PDE4B: variants seen among roughly 807,000 people sequenced by gnomAD.
The protein encoded by PDE4B is phosphodiesterase 4B.
Under a neutral mutation model 82.2 loss-of-function variants are expected in PDE4B, and 20 were observed. The observed-to-expected ratio is 0.24, with a 90% confidence interval of 0.17 to 0.35. The LOEUF (loss-of-function observed/expected upper bound fraction) is 0.35, where lower values mean the gene tolerates loss of function less well. PDE4B is among the 10% of genes least tolerant of loss of function. PDE4B has a pLI of 1.00. For synonymous variants in PDE4B, 320 were observed against 318.9 expected (o/e 1.00, Z -0.04); for missense variants, 655 against 907.2 (o/e 0.72, Z 3.57).
intron 3 of PDE4B, among the ~76,000 whole-genome samples, chr1:66,079,794 G>A (rs906325682): frequency 2.6e-5 from 4 of 152,062 alleles, no homozygotes; most frequent in African/African-American, 9.7e-5. Context: ...TTAAAATGAA[G>A]TATGTGAGAA....
intron 1 of PDE4B, among the ~76,000 whole-genome samples, chr1:65,853,731 T>A (rs1011686703): frequency 6.6e-6 from 1 of 152,058 alleles, no homozygotes; most frequent in Non-Finnish European, 1.5e-5. Flanking sequence ...GGTTTTACCA[T>A]GTTGGCCAGA....
At chr1:66,079,716 A>G (rs1213184189) in intron 3 of PDE4B, among the ~76,000 whole-genome samples, 2 of 152,146 alleles carry the variant, frequency 1.3e-5, no homozygotes, top group African/African-American at 2.4e-5. Flanking sequence ...GTCAAGGAGG[A>G]AAAAATATTT....
chr1:66,370,655 G>A (rs1050161387), intron 16 of PDE4B, among the ~76,000 whole-genome samples: 8 of 152,228 alleles, frequency 5.3e-5, no homozygotes, highest in South Asian at 4.1e-4. Flanking sequence ...CAGCTCTCTC[G>A]TCCTGTGATC....
At chr1:65,890,483 A>G (rs936195418) in intron 1 of PDE4B, among the ~76,000 whole-genome samples, 7 of 152,132 alleles carry the variant, frequency 4.6e-5, no homozygotes, top group African/African-American at 1.7e-4. Context: ...TTGAATATCC[A>G]GATGAATTTA....
intron 3 of PDE4B, among the ~76,000 whole-genome samples, chr1:66,127,560 T>C (rs888773726): frequency 6.6e-6 from 1 of 152,132 alleles, no homozygotes; most frequent in African/African-American, 2.4e-5. Context: ...TAGTCTTAAC[T>C]AATATCAGAA....
chr1:66,372,681 C>T lies in PDE4B; in HGVS notation c.*3C>T, dbSNP rs749465356. On this transcript the variant is annotated 3_prime_UTR_variant, in exon 17 of 17. Transcript: ENST00000341517. ...ACAAGTCCCCCGTGGATACATAATCCCCCTCTCCCTGTGGAGATGAACATT... is the reference window on the plus strand; with the variant it reads ...ACAAGTCCCCCGTGGATACATAATCTCCCTCTCCCTGTGGAGATGAACATT... The T allele has an allele frequency of 3.1e-6, 5 of 1,607,206 alleles. No homozygotes were observed. Among genetic ancestry groups the T allele is most frequent in the East Asian group, 4.5e-5 (2 of 44,854 alleles).
In PDE4B at chr1:66,250,828, A is replaced by G. The variant is rs558569341; in HGVS notation, c.476+3174A>G. Among the ~76,000 whole-genome samples the G allele has an allele frequency of 7.2e-5, 11 of 152,224 alleles. 1 individual carries two copies. Among genetic ancestry groups the G allele is most frequent in the Admixed American group, 7.2e-4 (11 of 15,278 alleles). ...GTTTTGATTATCCACCTGCAAAGCC[A>G]CAGGAAAGGAAACTCCATGTTTTTT... On this transcript the variant is annotated intron_variant, in intron 4 of 16. Transcript: ENST00000341517.
intron 1 of PDE4B, among the ~76,000 whole-genome samples, chr1:65,867,041 A>T (rs753454530): frequency 2.0e-5 from 3 of 152,238 alleles, no homozygotes; most frequent in Non-Finnish European, 4.4e-5. Context: ...GTAAAATAAT[A>T]TGGTGCCTTG....
At chr1:66,269,376 A>C (rs920179294) in intron 7 of PDE4B, among the ~76,000 whole-genome samples, 1 of 152,216 alleles carries the variant, frequency 6.6e-6, no homozygotes, top group South Asian at 2.1e-4. Context: ...AGAAAGACGC[A>C]GTAAATCCTC....
At chr1:65,920,889 T>C (rs1647224107) in intron 3 of PDE4B, among the ~76,000 whole-genome samples, 1 of 152,062 alleles carries the variant, frequency 6.6e-6, no homozygotes, top group Admixed American at 6.6e-5. Context: ...AGGATACTTT[T>C]TAAAGTATGA....
chr1:65,950,347 G>C (rs1288010292), intron 3 of PDE4B, among the ~76,000 whole-genome samples: 1 of 151,954 alleles, frequency 6.6e-6, no homozygotes, highest in Non-Finnish European at 1.5e-5. Context: ...CCAGCAATAG[G>C]GTTCTCATTA....
At chr1:66,213,947 C>T (rs955622780) in intron 3 of PDE4B, among the ~76,000 whole-genome samples, 1 of 152,150 alleles carries the variant, frequency 6.6e-6, no homozygotes, top group African/African-American at 2.4e-5. Context: ...ATTAGCATGA[C>T]CAAACGCTTC....
intron 8 of PDE4B, among the ~76,000 whole-genome samples, chr1:66,346,360 A>C (rs1661395029): frequency 6.6e-6 from 1 of 152,220 alleles, no homozygotes; most frequent in African/African-American, 2.4e-5. Flanking sequence ...AAAAAGTTGT[A>C]AAGTGTCTTA....
intron 16 of PDE4B, 27 bp from the exon 17 acceptor site, chr1:66,372,286 C>A: frequency 6.3e-7 from 1 of 1,576,554 alleles, no homozygotes; most frequent in South Asian, 1.2e-5. Flanking sequence ...ATCACAATAA[C>A]AGATGTGTCA....
chr1:65,797,489 C>T (rs1645644990), intron 1 of PDE4B, among the ~76,000 whole-genome samples: 1 of 152,130 alleles, frequency 6.6e-6, no homozygotes, highest in Non-Finnish European at 1.5e-5. Flanking sequence ...GCAGTGGTTT[C>T]AATGACAATT....
chr1:65,897,567 T>C (rs1294659365), intron 1 of PDE4B, among the ~76,000 whole-genome samples: 2 of 152,074 alleles, frequency 1.3e-5, no homozygotes, highest in East Asian at 1.9e-4. Context: ...CTCCCACTTG[T>C]AAGTGAGAGC....
At chr1:65,979,200 T>C (rs962520632) in intron 3 of PDE4B, among the ~76,000 whole-genome samples, 1 of 152,216 alleles carries the variant, frequency 6.6e-6, no homozygotes, top group African/African-American at 2.4e-5. Context: ...TAATGTCAGT[T>C]AGGCAGTTAC....
intron 3 of PDE4B, among the ~76,000 whole-genome samples, chr1:65,943,768 T>A (rs1184791630): frequency 3.3e-5 from 5 of 151,976 alleles, no homozygotes; most frequent in Non-Finnish European, 5.9e-5. Flanking sequence ...ATGGGATTGT[T>A]TTCTTGATTT....
chr1:65,806,803 A>C (rs922063282), intron 1 of PDE4B, among the ~76,000 whole-genome samples: 3 of 152,222 alleles, frequency 2.0e-5, no homozygotes, highest in Non-Finnish European at 4.4e-5. Flanking sequence ...CCTTGTGACC[A>C]AACTCTCATT....
Sources: allele counts gnomAD v4.1 joint callset (sites outside exome capture counted in the v4.1 genomes callset), GRCh38; gene constraint gnomAD v4.1.1; transcripts MANE v1.5; gene names NCBI Gene and HGNC (gene_info 2026-07-23, HGNC 2026-07-21).